Variants in AP3M1 observed in about 807,000 individuals in gnomAD.
AP3M1 encodes the protein AP-3 complex subunit mu-1.
AP3M1 carries 29 observed loss-of-function variants against 42.6 expected under a neutral mutation model. That is an observed-to-expected ratio of 0.68 (90% CI 0.51 to 0.93). The LOEUF (loss-of-function observed/expected upper bound fraction) is 0.93. Ranked by LOEUF, AP3M1 falls within the 40% of genes least tolerant of loss-of-function variation. AP3M1 has a pLI of 0.00. For synonymous variants in AP3M1, 178 were observed against 175.3 expected (o/e 1.02, Z -0.12); for missense variants, 416 against 510.2 (o/e 0.82, Z 1.78).
intron 1 of AP3M1, chr10:74,150,375 C>G (rs1841519204): frequency 6.5e-6 from 1 of 152,818 alleles, no homozygotes; most frequent in African/African-American, 2.4e-5. Context: ...CACTGCATTC[C>G]TCACCCCAGG....
rs527692282 is a variant in AP3M1, at chr10:74,130,288, GA to G, written c.584-297del. 1.4e-3 allele frequency among the ~76,000 whole-genome samples: 212 copies of G among 152,160 alleles called. 1 individual carries two copies. Among genetic ancestry groups the G allele is most frequent in the Non-Finnish European group, 2.7e-3 (186 of 67,984 alleles). Reference sequence around the variant, plus strand: ...ATACCCTCTGGGTGTCAGATTAACTGAAGCTTTACATCTCTATTAACAGGTC... The same window carrying G: ...ATACCCTCTGGGTGTCAGATTAACTGAGCTTTACATCTCTATTAACAGGTC... On this transcript the variant is annotated intron_variant, in intron 4 of 8. Transcript: ENST00000355264.
At chr10:74,141,864 C>A (rs532265366) in intron 1 of AP3M1, among the ~76,000 whole-genome samples, 1 of 148,176 alleles carries the variant, frequency 6.7e-6, no homozygotes, top group Non-Finnish European at 1.5e-5. Context: ...AGGCACACAC[C>A]GCCACACCTG....
intron 1 of AP3M1, among the ~76,000 whole-genome samples, chr10:74,144,748 C>T (rs149530900): frequency 0.013 from 1,950 of 151,892 alleles, 47 homozygotes; most frequent in African/African-American, 0.044. Flanking sequence ...CCACAACCTC[C>T]GCCTGCTGGG....
intron 4 of AP3M1, among the ~76,000 whole-genome samples, chr10:74,130,581 C>T (rs1840751530): frequency 6.6e-6 from 1 of 151,892 alleles, no homozygotes; most frequent in Non-Finnish European, 1.5e-5. Context: ...GCTGGTACTA[C>T]AGGCATGCAC....
chr10:74,136,944 A>G (rs1173958018), intron 2 of AP3M1, 141 bp from the exon 3 acceptor site: 3 of 524,554 alleles, frequency 5.7e-6, no homozygotes, highest in Non-Finnish European at 8.9e-6. Context: ...GAGCGGGGGA[A>G]AAAACCCTCT....
chr10:74,149,037 T>A (rs1245431797), intron 1 of AP3M1, among the ~76,000 whole-genome samples: 1 of 151,730 alleles, frequency 6.6e-6, no homozygotes, highest in Non-Finnish European at 1.5e-5. Flanking sequence ...CACGCCCAGA[T>A]AATTTTTATA....
chr10:74,138,052 T>TCA, intron 2 of AP3M1, 55 bp downstream of exon 2: 9 of 1,542,974 alleles, frequency 5.8e-6, no homozygotes, highest in Non-Finnish European at 7.9e-6. Flanking sequence ...TAATCATGTC[T>TCA]CACCTTCAGC....
chr10:74,133,130 C>T (rs2131975271), intron 4 of AP3M1, among the ~76,000 whole-genome samples: 1 of 152,202 alleles, frequency 6.6e-6, no homozygotes, highest in Middle Eastern at 3.4e-3. Flanking sequence ...AGCGGTGGCT[C>T]ACGCCTGTAA....
chr10:74,122,932 T>A lies in AP3M1; in HGVS notation c.*878A>T, dbSNP rs1840510178. 1 of 152,478 alleles carries A rather than the reference T, an allele frequency of 6.6e-6. No homozygotes were observed. 9.4% of individuals were successfully genotyped at this position (152,478 alleles called of 1,614,324 possible). A position where few individuals can be genotyped will look rare whatever the true frequency, so the allele number is the denominator to read the frequency against. On this transcript the variant is annotated 3_prime_UTR_variant, in exon 9 of 9. Coordinates refer to ENST00000355264, the MANE Select transcript of AP3M1 (RefSeq NM_012095.6). ...TGGGTAAGCTTTATATTATAAAACA[T>A]GAAGATGGCAAAGGTTTCACTTAAG...
intron 3 of AP3M1, among the ~76,000 whole-genome samples, chr10:74,135,179 C>T (rs1348876624): frequency 6.6e-6 from 1 of 152,176 alleles, no homozygotes; most frequent in East Asian, 1.9e-4. Context: ...TTTATCCTAG[C>T]TTTGAAGGAC....
At chr10:74,139,940 T>C (rs912004415) in intron 1 of AP3M1, among the ~76,000 whole-genome samples, 5 of 148,918 alleles carry the variant, frequency 3.4e-5, no homozygotes, top group African/African-American at 1.2e-4. Flanking sequence ...AAATCCCAGC[T>C]GCCTTTTCGT....
intron 2 of AP3M1, 134 bp from the exon 3 acceptor site, chr10:74,136,937 C>A (rs181111412): frequency 1.8e-6 from 1 of 558,926 alleles, no homozygotes; most frequent in Non-Finnish European, 2.7e-6. Flanking sequence ...TAAAACAGAG[C>A]GGGGGAAAAA....
chr10:74,133,904 T>G, intron 4 of AP3M1, 123 bp downstream of exon 4: 1 of 1,190,866 alleles, frequency 8.4e-7, no homozygotes, highest in South Asian at 1.5e-5. Flanking sequence ...CCGCCTGCCT[T>G]GGCCTCCCAA....
At chr10:74,130,116 G>T in intron 4 of AP3M1, 124 bp from the exon 5 acceptor site, 1 of 721,408 alleles carries the variant, frequency 1.4e-6, no homozygotes, top group Non-Finnish European at 2.3e-6. Flanking sequence ...TGTTGCCAAG[G>T]TTGGAGTGCA....
chr10:74,146,462 C>T (rs1410070896), intron 1 of AP3M1, among the ~76,000 whole-genome samples: 3 of 151,950 alleles, frequency 2.0e-5, no homozygotes, highest in Non-Finnish European at 2.9e-5. Flanking sequence ...TGGTGATGGC[C>T]TGGTCTAGAG....
chr10:74,149,601 T>C (rs371192202), intron 1 of AP3M1, among the ~76,000 whole-genome samples: 1 of 152,172 alleles, frequency 6.6e-6, no homozygotes, highest in East Asian at 1.9e-4. Context: ...ATTCGTAAAT[T>C]AAGATAATTC....
chr10:74,138,025 T>C (rs892402476), intron 2 of AP3M1, 82 bp downstream of exon 2: 7 of 1,403,932 alleles, frequency 5.0e-6, no homozygotes, highest in Non-Finnish European at 6.7e-6. Flanking sequence ...CATCAAAACC[T>C]GGGTAATTAA....
At chr10:74,126,475 A>G (rs1840618874) in intron 6 of AP3M1, 120 bp from the exon 7 acceptor site, 1 of 695,696 alleles carries the variant, frequency 1.4e-6, no homozygotes, top group South Asian at 1.8e-5. Context: ...TAACTCCACA[A>G]TAAGGTACTA....
At chr10:74,150,417 C>T (rs1018886717) in intron 1 of AP3M1, 1 of 152,658 alleles carries the variant, frequency 6.6e-6, no homozygotes, top group Non-Finnish European at 1.5e-5. Flanking sequence ...AACAGGACGT[C>T]TGCTCAGGTC....
Sources: gnomAD v4.1 joint callset for allele counts (sites outside exome capture counted in the v4.1 genomes callset) on GRCh38, gnomAD v4.1.1 for gene constraint, MANE v1.5 for transcripts, NCBI Gene and HGNC (gene_info 2026-07-23, HGNC 2026-07-21) for gene names.